PHKB: variants seen among roughly 807,000 people sequenced by gnomAD.
PHKB encodes phosphorylase kinase regulatory subunit beta.
PHKB carries 122 observed loss-of-function variants against 152.1 expected under a neutral mutation model. The ratio of observed to expected loss-of-function variants is 0.80; its 90% confidence interval spans 0.69 to 0.93. The LOEUF is 0.93. PHKB is among the 40% of genes least tolerant of loss of function. The pLI is 0.00. For synonymous variants in PHKB, 436 were observed against 464.9 expected (o/e 0.94, Z 0.80); for missense variants, 1,304 against 1,328.4 (o/e 0.98, Z 0.29).
intron 25 of PHKB, 56 bp from the exon 26 acceptor site, chr16:47,669,158 TA>T: frequency 7.2e-7 from 1 of 1,385,766 alleles, no homozygotes; most frequent in Non-Finnish European, 1.0e-6. Flanking sequence ...GATTTTTTTT[TA>T]ATTTTTATCT....
intron 7 of PHKB, among the ~76,000 whole-genome samples, chr16:47,564,362 G>A (rs1037680023): frequency 2.0e-4 from 30 of 152,072 alleles, no homozygotes; most frequent in Non-Finnish European, 1.0e-4. Flanking sequence ...TTTTAATAAT[G>A]GTAATTCTGG....
At chr16:47,555,724 A>G (rs984375085) in intron 7 of PHKB, among the ~76,000 whole-genome samples, 1 of 152,194 alleles carries the variant, frequency 6.6e-6, no homozygotes, top group Non-Finnish European at 1.5e-5. Flanking sequence ...AAAATGTAAG[A>G]TCATGTTGGC....
chr16:47,480,816 A>G (rs907661484), intron 1 of PHKB, among the ~76,000 whole-genome samples: 2 of 152,190 alleles, frequency 1.3e-5, no homozygotes, highest in African/African-American at 2.4e-5. Context: ...CGTATTACAT[A>G]AAAAACTAAT....
At chr16:47,502,506 A>G (rs550228472) in intron 3 of PHKB, among the ~76,000 whole-genome samples, 277 of 152,344 alleles carry the variant, frequency 1.8e-3, no homozygotes, top group Middle Eastern at 0.017. Context: ...ATCCTTGACT[A>G]TGACTAAATG....
At position 47,467,284 on chromosome 16, in the gene PHKB, C is replaced by G. The variant is rs147793938; in HGVS notation, c.76+5858C>G. 3.9e-5 allele frequency among the ~76,000 whole-genome samples: 6 copies of G among 152,228 alleles called. No individual in the cohort carries two copies. The East Asian group carries it at 1.2e-3, about 29-fold the overall frequency. On this transcript the variant is annotated intron_variant, in intron 1 of 30. Coordinates refer to ENST00000323584, the MANE Select transcript of PHKB (RefSeq NM_000293.3). ...ATCTGTCATGCTTAAATACAACTAGCTTGAATCAGATTACTCAGAATTTAA... is the reference window on the plus strand; with the variant it reads ...ATCTGTCATGCTTAAATACAACTAGGTTGAATCAGATTACTCAGAATTTAA...
chr16:47,629,796 T>C (rs1053161492), intron 14 of PHKB, among the ~76,000 whole-genome samples: 9 of 152,182 alleles, frequency 5.9e-5, no homozygotes, highest in African/African-American at 2.2e-4. Context: ...AGTGACAGAC[T>C]GGATTAAGAA....
intron 4 of PHKB, among the ~76,000 whole-genome samples, chr16:47,508,076 A>G (rs1257238883): frequency 6.6e-6 from 1 of 152,178 alleles, no homozygotes; most frequent in African/African-American, 2.4e-5. Context: ...CTCCACTTCT[A>G]TTGATTTCTC....
intron 14 of PHKB, among the ~76,000 whole-genome samples, chr16:47,631,946 G>C (rs1021600469): frequency 6.6e-6 from 1 of 152,166 alleles, no homozygotes; most frequent in African/African-American, 2.4e-5. Flanking sequence ...GAGGAAGTCA[G>C]TGTGGCTATT....
intron 7 of PHKB, among the ~76,000 whole-genome samples, chr16:47,570,328 C>G (rs1971637070): frequency 6.6e-6 from 1 of 152,190 alleles, no homozygotes; most frequent in East Asian, 1.9e-4. Flanking sequence ...GTCTAAATCT[C>G]TAGCAAGATT....
intron 29 of PHKB, among the ~76,000 whole-genome samples, chr16:47,697,177 C>T (rs557887365): frequency 4.4e-4 from 67 of 152,272 alleles, no homozygotes; most frequent in African/African-American, 1.4e-3. Flanking sequence ...TGTATCCATC[C>T]GACTTTTGTG....
At position 47,499,788 on chromosome 16, in the gene PHKB, A is replaced by G. The variant is rs959026058; in HGVS notation, c.199A>G (p.Thr67Ala). The G allele has an allele frequency of 2.5e-6, 4 of 1,614,084 alleles. No individual in the cohort carries two copies. The African/African-American group carries it at 4.0e-5, about 16-fold the overall frequency. ...AACATTGCTGCTGTATCAAAGTCCA[A>G]CTACCGGTCTCTTTCCCACTAAAAC... ...KSTLLLYQSP[T>A]TGLFPTKTCG... Residue 67 changes from threonine (T) to alanine (A), a missense_variant, in exon 3 of 31, where the codon ACT (threonine) becomes GCT (alanine). By Grantham distance (58) the Thr-to-Ala change is moderately conservative. Coordinates refer to ENST00000323584, the MANE Select transcript of PHKB (RefSeq NM_000293.3).
chr16:47,494,477 G>A (rs779336799), intron 1 of PHKB, among the ~76,000 whole-genome samples: 6 of 152,168 alleles, frequency 3.9e-5, no homozygotes, highest in Non-Finnish European at 8.8e-5. Flanking sequence ...GAACAAAAAT[G>A]CCTGTAAACA....
intron 8 of PHKB, among the ~76,000 whole-genome samples, chr16:47,584,189 G>A (rs1971897676): frequency 6.6e-6 from 1 of 151,874 alleles, no homozygotes; most frequent in Non-Finnish European, 1.5e-5. Flanking sequence ...AGCCAATTTG[G>A]GGCAGAGCTA....
At position 47,641,096 on chromosome 16, in the gene PHKB, AAATCC is replaced by A; in HGVS notation, c.1514+9_1514+13del. 6.2e-7 allele frequency: 1 copy of A among 1,613,282 alleles called. No homozygotes were observed. The highest frequency in any genetic ancestry group is 8.5e-7 in the Non-Finnish European group (1 of 1,179,256). ...CTTATAGCAGAAAGCCAAAGGTATG[AAATCC>A]AAGTGGGTGGTGTGTTTTTTTGTGG... On this transcript the variant is annotated splice_region_variant and intron_variant, in intron 15 of 30. Transcript: ENST00000323584.
intron 6 of PHKB, among the ~76,000 whole-genome samples, chr16:47,531,172 A>T (rs1339799310): frequency 1.3e-5 from 2 of 152,202 alleles, no homozygotes; most frequent in African/African-American, 4.8e-5. Context: ...ACATACGTAT[A>T]TGGAGTTAGA....
intron 26 of PHKB, among the ~76,000 whole-genome samples, chr16:47,674,613 A>C (rs896073375): frequency 5.9e-5 from 9 of 152,218 alleles, no homozygotes; most frequent in Non-Finnish European, 1.3e-4. Context: ...AAGCATAAGA[A>C]TAATTTGAAA....
intron 5 of PHKB, among the ~76,000 whole-genome samples, chr16:47,512,420 A>G (rs999223688): frequency 6.6e-5 from 10 of 152,214 alleles, no homozygotes; most frequent in Non-Finnish European, 1.5e-5. Flanking sequence ...AAGTTTTTAC[A>G]TGTTATCAAA....
chr16:47,545,723 A>G (rs1335873776), intron 6 of PHKB, among the ~76,000 whole-genome samples: 1 of 152,200 alleles, frequency 6.6e-6, no homozygotes, highest in African/African-American at 2.4e-5. Flanking sequence ...CCTTTCAGGT[A>G]CACGAATCAA....
chr16:47,552,284 A>G (rs1479984981), intron 7 of PHKB, among the ~76,000 whole-genome samples: 1 of 152,162 alleles, frequency 6.6e-6, no homozygotes, highest in African/African-American at 2.4e-5. Context: ...TTTGCCCGTT[A>G]CTTCATGCAG....
Sources: allele counts gnomAD v4.1 joint callset (sites outside exome capture counted in the v4.1 genomes callset), GRCh38; gene constraint gnomAD v4.1.1; transcripts MANE v1.5; gene names NCBI Gene and HGNC (gene_info 2026-07-23, HGNC 2026-07-21).